Variants in RCOR1 observed in about 807,000 individuals in gnomAD.
The protein encoded by RCOR1 is REST corepressor 1.
Under a neutral mutation model 64.0 loss-of-function variants are expected in RCOR1, and 12 were observed. That is an observed-to-expected ratio of 0.19 (90% CI 0.12 to 0.30). The LOEUF (loss-of-function observed/expected upper bound fraction) is 0.30. Ranked by LOEUF, RCOR1 falls within the 10% of genes least tolerant of loss-of-function variation. The probability of loss-of-function intolerance (pLI) is 1.00; values close to 1 mark genes in which losing one functional copy is unlikely to be tolerated. For missense variants in RCOR1, 502 were observed against 621.2 expected, an observed-to-expected ratio of 0.81 and a Z score of 2.04; for synonymous variants, 279 against 227.2, an observed-to-expected ratio of 1.23 and a Z score of -2.05.
chr14:102,640,666 CTGAT>C (rs1318777243), intron 2 of RCOR1, among the ~76,000 whole-genome samples: 3 of 152,344 alleles, frequency 2.0e-5, no homozygotes, highest in Non-Finnish European at 4.4e-5. Context: ...AACACCTTAT[CTGAT>C]TGTAATTTAA....
chr14:102,691,494 C>T (rs1218868593), intron 3 of RCOR1, among the ~76,000 whole-genome samples: 1 of 152,174 alleles, frequency 6.6e-6, no homozygotes, highest in African/African-American at 2.4e-5. Flanking sequence ...TATTCTTTGA[C>T]TTGGGTGTGA....
At chr14:102,615,391 C>T (rs114105325) in intron 2 of RCOR1, among the ~76,000 whole-genome samples, 3,506 of 151,492 alleles carry the variant, frequency 0.023, 130 homozygotes, top group African/African-American at 0.076. Context: ...ATCCACCCAT[C>T]GTGGCCTCCT....
chr14:102,723,530 C>T (rs1236554092), intron 11 of RCOR1, among the ~76,000 whole-genome samples: 5 of 152,190 alleles, frequency 3.3e-5, no homozygotes, highest in African/African-American at 1.2e-4. Context: ...AAGTGTACCA[C>T]GTCTATAATA....
chr14:102,596,552 A>C (rs757185395), intron 2 of RCOR1, among the ~76,000 whole-genome samples: 1 of 151,456 alleles, frequency 6.6e-6, no homozygotes, highest in East Asian at 1.9e-4. Flanking sequence ...TCCTCCTCCT[A>C]CTTGTTTTTT....
Position 102,592,670 on chromosome 14 carries a change from G to A in RCOR1, c.-217G>A, listed in dbSNP as rs1199753596. The A allele has an allele frequency of 2.4e-6, 3 of 1,228,774 alleles. No homozygotes were observed. The highest frequency in any genetic ancestry group is 1.0e-6 in the Non-Finnish European group (1 of 986,102). 76.1% of individuals were successfully genotyped at this position (1,228,774 alleles called of 1,614,324 possible). On this transcript the variant is annotated 5_prime_UTR_variant, in exon 1 of 12. Transcript: ENST00000262241. ...AGTTGGTGCCAGTGAAGTGAGGGCG[G>A]CGATGAGAGCGAAAGTTGCGCTCGG... is the stretch of plus-strand genomic sequence containing the variant.
intron 3 of RCOR1, among the ~76,000 whole-genome samples, chr14:102,684,334 C>G (rs1458583539): frequency 2.0e-5 from 3 of 152,120 alleles, no homozygotes; most frequent in East Asian, 1.9e-4. Context: ...CCAGACATAC[C>G]TTTCAGGGAA....
At chr14:102,616,776 GCT>G in intron 2 of RCOR1, among the ~76,000 whole-genome samples, 2 of 152,266 alleles carry the variant, frequency 1.3e-5, no homozygotes, top group South Asian at 4.1e-4. Flanking sequence ...CTCCCTGCAA[GCT>G]CTCTGAACCC....
At chr14:102,613,112 G>GT (rs948246048) in intron 2 of RCOR1, among the ~76,000 whole-genome samples, 1 of 151,578 alleles carries the variant, frequency 6.6e-6, no homozygotes, top group African/African-American at 2.4e-5. Context: ...GTTTTGTTTT[G>GT]TTTTTTTGAG....
At chr14:102,630,215 C>T (rs989206576) in intron 2 of RCOR1, 1 of 154,112 alleles carries the variant, frequency 6.5e-6, no homozygotes, top group African/African-American at 2.4e-5. Flanking sequence ...CCTACAAGAG[C>T]TGGTTGTTAA....
At chr14:102,684,661 T>A (rs546645754) in intron 3 of RCOR1, among the ~76,000 whole-genome samples, 8 of 152,296 alleles carry the variant, frequency 5.3e-5, no homozygotes, top group African/African-American at 1.9e-4. Context: ...ATAAAAAAAA[T>A]TCACCTATTA....
intron 2 of RCOR1, among the ~76,000 whole-genome samples, chr14:102,659,772 G>A (rs1894795070): frequency 1.3e-5 from 2 of 152,062 alleles, no homozygotes; most frequent in Non-Finnish European, 2.9e-5. Context: ...ATCTGAATTT[G>A]GAGGCAGAGA....
At chr14:102,613,953 T>G (rs1483779573) in intron 2 of RCOR1, among the ~76,000 whole-genome samples, 1 of 140,778 alleles carries the variant, frequency 7.1e-6, no homozygotes, top group Non-Finnish European at 1.5e-5. Flanking sequence ...AGTGCAGTGG[T>G]GCAATGATCT....
At chr14:102,720,572 C>T (rs1050409388) in intron 8 of RCOR1, among the ~76,000 whole-genome samples, 5 of 152,032 alleles carry the variant, frequency 3.3e-5, no homozygotes, top group African/African-American at 7.2e-5. Flanking sequence ...GATCTTGGGG[C>T]GCTGTGAGGC....
chr14:102,607,199 C>G (rs1893529337), intron 2 of RCOR1, among the ~76,000 whole-genome samples: 1 of 152,086 alleles, frequency 6.6e-6, no homozygotes, highest in Non-Finnish European at 1.5e-5. Flanking sequence ...TCCCAAAGTG[C>G]TGGGATTATA....
Position 102,651,128 on chromosome 14 carries a change from C to T in RCOR1, c.362-30767C>T, listed in dbSNP as rs761944654. ...AGTATGTTTGGTGCTGAGACCAGCT[C>T]GGTCGGGGAGACCCTAACCCAGCGG... On this transcript the variant is annotated intron_variant, in intron 2 of 11. Transcript: ENST00000262241. 8.6e-5 allele frequency: 83 copies of T among 968,740 alleles called. No homozygotes were observed. In the African/African-American group the frequency reaches 1.1e-3, roughly 13 times the overall value. The allele number at this position is 968,740 out of a possible 1,614,324, so 60.0% of individuals were successfully genotyped here.
intron 2 of RCOR1, among the ~76,000 whole-genome samples, chr14:102,598,592 C>T (rs1182660106): frequency 4.0e-5 from 6 of 151,654 alleles, no homozygotes; most frequent in Non-Finnish European, 2.9e-5. Context: ...GGACTACAGG[C>T]GCCTGCCACC....
intron 2 of RCOR1, among the ~76,000 whole-genome samples, chr14:102,598,791 G>A (rs1481051304): frequency 1.3e-5 from 2 of 152,090 alleles, no homozygotes; most frequent in African/African-American, 2.4e-5. Context: ...GATTAGATCG[G>A]TGTAGTGTGG....
In RCOR1 at chr14:102,701,342, G is replaced by A; in HGVS notation, c.498+12G>A. 6.4e-7 allele frequency: 1 copy of A among 1,560,616 alleles called. No homozygotes were observed. The highest frequency in any genetic ancestry group is 1.2e-5 in the South Asian group (1 of 81,720). ...ACAACATGGAACAGGTAATATCATG[G>A]TTTTCTTTCTTTTGCTGTTAAAAAA... On this transcript the variant is annotated intron_variant, in intron 4 of 11. Coordinates refer to ENST00000262241, the MANE Select transcript of RCOR1 (RefSeq NM_015156.4).
intron 6 of RCOR1, among the ~76,000 whole-genome samples, chr14:102,710,062 G>T (rs1299479837): frequency 3.3e-5 from 5 of 152,236 alleles, no homozygotes. Flanking sequence ...GCCTGTGAAA[G>T]TCATGGCAGG....
Sources: gnomAD v4.1 joint callset for allele counts (sites outside exome capture counted in the v4.1 genomes callset) on GRCh38, gnomAD v4.1.1 for gene constraint, MANE v1.5 for transcripts, NCBI Gene and HGNC (gene_info 2026-07-23, HGNC 2026-07-21) for gene names.